Variants in NDUFAF2 observed in about 807,000 individuals in gnomAD.
The protein encoded by NDUFAF2 is NADH dehydrogenase [ubiquinone] 1 alpha subcomplex assembly factor 2.
In NDUFAF2, 13 loss-of-function variants were observed where a neutral mutation model predicts 22.8. The observed-to-expected ratio is 0.57, with a 90% CI of 0.37 to 0.91. The LOEUF is 0.91. Ranked by LOEUF, NDUFAF2 falls within the 40% of genes least tolerant of loss-of-function variation. The pLI, the probability that NDUFAF2 is intolerant of heterozygous loss-of-function variation, is 0.01. For missense variants in NDUFAF2, 162 were observed against 195.2 expected (o/e 0.83, Z 1.01); for synonymous variants, 53 against 64.2 (o/e 0.83, Z 0.84).
intron 3 of NDUFAF2, among the ~76,000 whole-genome samples, chr5:61,125,846 TAAAGC>T (rs796213679): frequency 4.7e-4 from 71 of 152,198 alleles, no homozygotes; most frequent in African/African-American, 1.7e-3. Flanking sequence ...TGGATAACTT[TAAAGC>T]CTGGCTACCA....
chr5:60,953,699 T>C (rs959317232), intron 1 of NDUFAF2, among the ~76,000 whole-genome samples: 3 of 152,188 alleles, frequency 2.0e-5, no homozygotes, highest in South Asian at 2.1e-4. Flanking sequence ...CAGTAAATTC[T>C]ATACGAGCTT....
chr5:61,000,344 C>G (rs544628382), intron 1 of NDUFAF2, among the ~76,000 whole-genome samples: 8 of 152,164 alleles, frequency 5.3e-5, no homozygotes, highest in African/African-American at 1.7e-4. Flanking sequence ...AGAGGTAAAA[C>G]CAGCCCCCAT....
At chr5:60,992,329 T>A (rs1247321160) in intron 1 of NDUFAF2, among the ~76,000 whole-genome samples, 1 of 152,226 alleles carries the variant, frequency 6.6e-6, no homozygotes, top group Non-Finnish European at 1.5e-5. Context: ...CCATTTTTGC[T>A]TTGGATGTCT....
chr5:61,097,931 A>G (rs1452996378), intron 2 of NDUFAF2, among the ~76,000 whole-genome samples: 1 of 152,198 alleles, frequency 6.6e-6, no homozygotes, highest in Non-Finnish European at 1.5e-5. Context: ...TCAATTTTGT[A>G]GTGAAGAGTG....
chr5:61,007,708 T>G (rs1330246482), intron 1 of NDUFAF2, among the ~76,000 whole-genome samples: 1 of 152,198 alleles, frequency 6.6e-6, no homozygotes, highest in Non-Finnish European at 1.5e-5. Context: ...TTGGTGGGAC[T>G]GTAAACTAGT....
At chr5:60,960,274 T>C (rs1750667189) in intron 1 of NDUFAF2, among the ~76,000 whole-genome samples, 1 of 152,300 alleles carries the variant, frequency 6.6e-6, no homozygotes, top group African/African-American at 2.4e-5. Flanking sequence ...ATAATGAGAA[T>C]TAGTATTTCT....
intron 1 of NDUFAF2, among the ~76,000 whole-genome samples, chr5:60,960,670 CTGTT>C (rs1049851329): frequency 5.3e-5 from 8 of 152,118 alleles, no homozygotes; most frequent in Non-Finnish European, 8.8e-5. Flanking sequence ...TCAGACTTCA[CTGTT>C]TGATTGTTTG....
At chr5:61,048,548 A>G (rs1360465275) in intron 1 of NDUFAF2, among the ~76,000 whole-genome samples, 2 of 152,106 alleles carry the variant, frequency 1.3e-5, no homozygotes, top group African/African-American at 4.8e-5. Flanking sequence ...GGTTGGGGAT[A>G]ATGGAAGTGT....
intron 1 of NDUFAF2, among the ~76,000 whole-genome samples, chr5:61,045,745 A>AT (rs1362561927): frequency 5.3e-5 from 8 of 152,010 alleles, no homozygotes; most frequent in Non-Finnish European, 8.8e-5. Context: ...GATTTTTTAG[A>AT]TATAAGACCT....
At chr5:60,948,551 CT>C (rs55712639) in intron 1 of NDUFAF2, among the ~76,000 whole-genome samples, 79,193 of 144,968 alleles carry the variant, frequency 0.55, 22,034 homozygotes, top group East Asian at 0.94. Flanking sequence ...ACATATTCTG[CT>C]TTTTTTTTTT....
At chr5:61,087,332 T>C (rs1752516240) in intron 2 of NDUFAF2, among the ~76,000 whole-genome samples, 1 of 152,184 alleles carries the variant, frequency 6.6e-6, no homozygotes, top group African/African-American at 2.4e-5. Context: ...AATAACTTTC[T>C]GTTGTTTAAG....
intron 1 of NDUFAF2, among the ~76,000 whole-genome samples, chr5:60,985,884 G>C (rs1751067529): frequency 6.6e-6 from 1 of 152,100 alleles, no homozygotes; most frequent in Non-Finnish European, 1.5e-5. Flanking sequence ...GATGAGATTT[G>C]GGTGGGGACA....
intron 1 of NDUFAF2, among the ~76,000 whole-genome samples, chr5:61,063,093 A>C (rs186496334): frequency 6.6e-6 from 1 of 152,184 alleles, no homozygotes; most frequent in Non-Finnish European, 1.5e-5. Flanking sequence ...GACAATTACT[A>C]TCATGAAAAC....
At chr5:60,999,096 C>CATA (rs1039052185) in intron 1 of NDUFAF2, among the ~76,000 whole-genome samples, 5 of 151,940 alleles carry the variant, frequency 3.3e-5, no homozygotes, top group Admixed American at 6.6e-5. Flanking sequence ...ACCCCAGATG[C>CATA]ATAAGGAGCA....
rs116563493 is a variant in NDUFAF2 at position 60,992,596 on chromosome 5, T to C, written c.127+47214T>C. ...AGTTACAGTGTTATAATATTCTGTG[T>C]TTTTCTGTGGACTTACTATATCCAG... On this transcript the variant is annotated intron_variant, in intron 1 of 3. Transcript: ENST00000296597. Among the ~76,000 whole-genome samples, 1,146 of 152,286 alleles carry C rather than the reference T, an allele frequency of 7.5e-3. 13 individuals are homozygous for C. Among genetic ancestry groups the C allele is most frequent in the African/African-American group, 0.026 (1,085 of 41,558 alleles).
At chr5:61,076,747 A>T (rs747744270) in intron 2 of NDUFAF2, among the ~76,000 whole-genome samples, 1 of 152,186 alleles carries the variant, frequency 6.6e-6, no homozygotes, top group Non-Finnish European at 1.5e-5. Context: ...CATTGCAAAT[A>T]GACTTAGGGG....
chr5:61,105,546 A>T (rs1225604501), intron 3 of NDUFAF2, among the ~76,000 whole-genome samples: 1 of 150,756 alleles, frequency 6.6e-6, no homozygotes, highest in Non-Finnish European at 1.5e-5. Context: ...ATCATTCATT[A>T]AAATGAATGA....
At chr5:61,070,095 T>C (rs983697951) in intron 1 of NDUFAF2, among the ~76,000 whole-genome samples, 5 of 152,172 alleles carry the variant, frequency 3.3e-5, no homozygotes, top group African/African-American at 1.2e-4. Flanking sequence ...TTTTGTTGTA[T>C]TAGGACTTAT....
At chr5:60,945,955 A>C (rs1750442407) in intron 1 of NDUFAF2, among the ~76,000 whole-genome samples, 1 of 152,094 alleles carries the variant, frequency 6.6e-6, no homozygotes. Context: ...AAGACTTGTC[A>C]GAAGTAGGTC....
Sources: allele counts gnomAD v4.1 joint callset (sites outside exome capture counted in the v4.1 genomes callset), GRCh38; gene constraint gnomAD v4.1.1; transcripts MANE v1.5; gene names NCBI Gene and HGNC (gene_info 2026-07-23, HGNC 2026-07-21).